The following DMD variants were observed in gnomAD, a reference collection of about 807,000 sequenced individuals.
The protein encoded by DMD is dystrophin, also known as mutant dystrophin.
Under a neutral mutation model 330.1 loss-of-function variants are expected in DMD, and 63 were observed. The ratio of observed to expected loss-of-function variants is 0.19; its 90% CI spans 0.16 to 0.24. DMD has a LOEUF of 0.24. DMD is among the 10% of genes least tolerant of loss of function. The pLI is 1.00. For missense variants in DMD, 3,344 were observed against 2,684.1 expected (o/e 1.25, Z -5.43); for synonymous variants, 1,223 against 959.8 (o/e 1.27, Z -5.07).
In DMD at chrX:32,776,289, C is replaced by G. The variant is rs185165342; in HGVS notation, c.649+33204G>C. On this transcript the variant is annotated intron_variant, in intron 7 of 78. Transcript: ENST00000357033. ...TCTTTCTGTCTTCTTCTGACCCCCC[C>G]CCCAAATTGTTCCAACCTCTGCCAG... is the stretch of plus-strand genomic sequence containing the variant. 7.5e-3 allele frequency among the ~76,000 whole-genome samples: 817 copies of G among 108,852 alleles called. 3 individuals carry two copies. The highest frequency in any genetic ancestry group is 0.028 in the Middle Eastern group (6 of 214). 94.5% of individuals were successfully genotyped at this position (108,852 alleles called of 115,157 possible).
intron 44 of DMD, among the ~76,000 whole-genome samples, chrX:32,016,910 G>A (rs921368618): frequency 4.4e-5 from 5 of 112,393 alleles, no homozygotes; most frequent in African/African-American, 1.6e-4. Context: ...TAAATATTTG[G>A]GATAAGAAGC....
chrX:31,192,092 A>G (rs756931137), intron 67 of DMD, among the ~76,000 whole-genome samples: 2 of 112,313 alleles, frequency 1.8e-5, no homozygotes, highest in South Asian at 3.7e-4. Flanking sequence ...AACAACCTCT[A>G]AATCTACCAA....
chrX:33,184,720 C>CTTTTTTT (rs11317329), intron 1 of DMD, among the ~76,000 whole-genome samples: 2 of 51,084 alleles, frequency 3.9e-5, no homozygotes, highest in East Asian at 5.5e-4. Context: ...TTTTTTCTTT[C>CTTTTTTT]TTTTTTTTTT....
At chrX:32,861,343 G>T (rs1033637599) in intron 2 of DMD, among the ~76,000 whole-genome samples, 1 of 112,049 alleles carries the variant, frequency 8.9e-6, no homozygotes, top group African/African-American at 3.2e-5. Flanking sequence ...GTTAATAAAT[G>T]TAAGATGTCT....
At chrX:32,284,498 A>G (rs936719599) in intron 43 of DMD, among the ~76,000 whole-genome samples, 16 of 112,062 alleles carry the variant, frequency 1.4e-4, no homozygotes, top group African/African-American at 5.2e-4. Flanking sequence ...GACTATCAGA[A>G]CCATAAGATC....
chrX:31,247,997 T>C (rs951306879), intron 63 of DMD, among the ~76,000 whole-genome samples: 13 of 111,588 alleles, frequency 1.2e-4, no homozygotes, highest in African/African-American at 3.9e-4. Flanking sequence ...TTTTAAGAAA[T>C]TGCCACAGCC....
At chrX:32,064,238 A>T (rs1343496142) in intron 44 of DMD, among the ~76,000 whole-genome samples, 1 of 111,537 alleles carries the variant, frequency 9.0e-6, no homozygotes, top group Non-Finnish European at 1.9e-5. Flanking sequence ...AACACTATGG[A>T]GAAATTATGC....
At chrX:33,200,285 C>T (rs1021036993) in intron 1 of DMD, among the ~76,000 whole-genome samples, 28 of 110,568 alleles carry the variant, frequency 2.5e-4, no homozygotes, top group Admixed American at 9.6e-4. Flanking sequence ...GTGTTCTTTA[C>T]ACTTTTCAAA....
chrX:31,178,497 C>T (rs1340094822), intron 70 of DMD, 172 bp downstream of exon 70: 26 of 942,379 alleles, frequency 2.8e-5, no homozygotes, highest in Middle Eastern at 3.5e-4. Flanking sequence ...TGTCAAGTGA[C>T]GTGGGAAAGT....
intron 1 of DMD, among the ~76,000 whole-genome samples, chrX:33,325,577 C>T (rs1036742239): frequency 4.5e-5 from 5 of 112,299 alleles, no homozygotes; most frequent in Non-Finnish European, 9.4e-5. Flanking sequence ...ACCAATCACG[C>T]ATTTGCTCTG....
At chrX:32,972,096 A>C (rs2092402630) in intron 2 of DMD, among the ~76,000 whole-genome samples, 1 of 112,018 alleles carries the variant, frequency 8.9e-6, no homozygotes. Context: ...CGCACTTAGC[A>C]AAAATTACAT....
intron 60 of DMD, among the ~76,000 whole-genome samples, chrX:31,378,924 T>C (rs975095442): frequency 9.0e-6 from 1 of 111,190 alleles, no homozygotes; most frequent in Non-Finnish European, 1.9e-5. Flanking sequence ...TAGTTCCAAA[T>C]AGCCAGAAAA....
chrX:32,019,959 T>C (rs901709556), intron 44 of DMD, among the ~76,000 whole-genome samples: 1 of 112,637 alleles, frequency 8.9e-6, no homozygotes, highest in Admixed American at 9.4e-5. Context: ...TTCTGAAACA[T>C]AGCGGCTTTT....
chrX:32,966,872 T>C (rs2092176098), intron 2 of DMD, among the ~76,000 whole-genome samples: 1 of 111,889 alleles, frequency 8.9e-6, no homozygotes, highest in African/African-American at 3.2e-5. Context: ...ATGATGCAAA[T>C]TGGAGTAGAA....
intron 44 of DMD, among the ~76,000 whole-genome samples, chrX:32,022,989 C>T (rs1031658595): frequency 1.8e-5 from 2 of 109,839 alleles, no homozygotes; most frequent in Non-Finnish European, 3.8e-5. Context: ...CGTGCCACCA[C>T]GCCCAGCTAA....
intron 1 of DMD, among the ~76,000 whole-genome samples, chrX:33,240,149 T>C (rs750473374): frequency 1.8e-5 from 2 of 111,788 alleles, no homozygotes; most frequent in South Asian, 7.4e-4. Flanking sequence ...TATTGTACAA[T>C]AGATCTCTTG....
chrX:31,484,625 T>G (rs2068647421), intron 57 of DMD, among the ~76,000 whole-genome samples: 1 of 111,821 alleles, frequency 8.9e-6, no homozygotes, highest in Non-Finnish European at 1.9e-5. Flanking sequence ...GTCCTTGAGC[T>G]TCTTAAGGTT....
rs761463014 is a variant in DMD at position 31,346,230 on chromosome X, T to C, written c.9163+2326A>G. Among the ~76,000 whole-genome samples, 4 of 111,816 alleles carry C rather than the reference T, an allele frequency of 3.6e-5. No homozygotes were observed. In the East Asian group the frequency reaches 1.1e-3, roughly 31 times the overall value. ...TTGAGTTTCAATCCTGGCTCCCTCA[T>C]CTACTAGCTGTATGAATGTGTGCCT... is the stretch of plus-strand genomic sequence containing the variant. On this transcript the variant is annotated intron_variant, in intron 61 of 78. Coordinates refer to ENST00000357033, the MANE Select transcript of DMD (RefSeq NM_004006.3).
intron 3 of DMD, among the ~76,000 whole-genome samples, chrX:32,845,302 C>T (rs910559412): frequency 9.0e-6 from 1 of 111,722 alleles, no homozygotes; most frequent in Non-Finnish European, 1.9e-5. Context: ...TGAAGATTAC[C>T]TTAATTGTCC....
Sources: allele counts gnomAD v4.1 joint callset (sites outside exome capture counted in the v4.1 genomes callset), GRCh38; gene constraint gnomAD v4.1.1; transcripts MANE v1.5; gene names NCBI Gene and HGNC (gene_info 2026-07-23, HGNC 2026-07-21).